Variants in RABGAP1L observed in about 807,000 individuals in gnomAD.
The protein encoded by RABGAP1L is RAB GTPase activating protein 1 like.
Under a neutral mutation model 137.7 loss-of-function variants are expected in RABGAP1L, and 63 were observed. That is an observed-to-expected ratio of 0.46 (90% CI 0.37 to 0.56). The LOEUF is 0.56. RABGAP1L is among the 20% of genes least tolerant of loss of function. The pLI, the probability that RABGAP1L is intolerant of heterozygous loss-of-function variation, is 0.00. For missense variants in RABGAP1L, 1,095 were observed against 1,244.0 expected (o/e 0.88, Z 1.80); for synonymous variants, 431 against 433.7 (o/e 0.99, Z 0.08).
chr1:174,575,522 T>A (rs1296745052), intron 13 of RABGAP1L, among the ~76,000 whole-genome samples: 1 of 152,176 alleles, frequency 6.6e-6, no homozygotes, highest in African/African-American at 2.4e-5. Context: ...CAAGGTCTTG[T>A]ATATAAATTT....
chr1:174,971,134 G>GT (rs1292186533), intron 21 of RABGAP1L, among the ~76,000 whole-genome samples: 2 of 151,484 alleles, frequency 1.3e-5, no homozygotes, highest in Admixed American at 1.3e-4. Context: ...CATCTTTATA[G>GT]TTTTTTCCCA....
chr1:174,342,722 A>G (rs2148895981), intron 11 of RABGAP1L, among the ~76,000 whole-genome samples: 1 of 151,726 alleles, frequency 6.6e-6, no homozygotes. Context: ...CTGCCCACCA[A>G]TTCTAATTCT....
At chr1:174,313,061 G>GGGACTACA (rs1679012789) in intron 11 of RABGAP1L, among the ~76,000 whole-genome samples, 1 of 152,084 alleles carries the variant, frequency 6.6e-6, no homozygotes, top group African/African-American at 2.4e-5. Flanking sequence ...CCGAGTAGCT[G>GGGACTACA]GGACTACAGG....
At chr1:174,765,596 C>A (rs913912755) in intron 18 of RABGAP1L, among the ~76,000 whole-genome samples, 1 of 151,432 alleles carries the variant, frequency 6.6e-6, no homozygotes, top group African/African-American at 2.4e-5. Context: ...CCATGTCCAG[C>A]AAATTTTTTT....
chr1:174,318,363 A>T (rs1005428499), intron 11 of RABGAP1L, among the ~76,000 whole-genome samples: 1 of 152,170 alleles, frequency 6.6e-6, no homozygotes, highest in African/African-American at 2.4e-5. Flanking sequence ...ATTTTTAGGT[A>T]AAGTGAGTCT....
At chr1:174,291,918 T>C (rs926474018) in intron 10 of RABGAP1L, among the ~76,000 whole-genome samples, 1 of 151,550 alleles carries the variant, frequency 6.6e-6, no homozygotes, top group Non-Finnish European at 1.5e-5. Flanking sequence ...TATTTTTTTT[T>C]CTGTTTTCTC....
At chr1:174,217,156 G>A (rs1277667645) in intron 1 of RABGAP1L, among the ~76,000 whole-genome samples, 2 of 152,122 alleles carry the variant, frequency 1.3e-5, no homozygotes, top group East Asian at 1.9e-4. Flanking sequence ...TCCAGGTTTC[G>A]TGTTCAAGTA....
chr1:174,893,475 C>A (rs897266297), intron 19 of RABGAP1L, among the ~76,000 whole-genome samples: 81 of 152,034 alleles, frequency 5.3e-4, no homozygotes, highest in African/African-American at 1.9e-3. Context: ...TGTGATTCCT[C>A]CTAGGAAGAA....
intron 18 of RABGAP1L, among the ~76,000 whole-genome samples, chr1:174,801,223 G>C (rs1688735122): frequency 6.6e-6 from 1 of 152,170 alleles, no homozygotes; most frequent in South Asian, 2.1e-4. Flanking sequence ...AAGGTAATTG[G>C]TTTACAGTAG....
intron 11 of RABGAP1L, among the ~76,000 whole-genome samples, chr1:174,311,125 G>T (rs556280649): frequency 2.0e-5 from 3 of 152,176 alleles, no homozygotes; most frequent in East Asian, 3.9e-4. Flanking sequence ...TACTACCCAA[G>T]ATTGGGTAAT....
At chr1:174,357,804 G>A (rs1683767385) in intron 11 of RABGAP1L, among the ~76,000 whole-genome samples, 1 of 152,210 alleles carries the variant, frequency 6.6e-6, no homozygotes, top group Non-Finnish European at 1.5e-5. Context: ...TTCCTCTCAT[G>A]TATTCCTCAA....
chr1:174,197,545 C>T (rs1667783574), intron 1 of RABGAP1L, among the ~76,000 whole-genome samples: 1 of 152,132 alleles, frequency 6.6e-6, no homozygotes, highest in Non-Finnish European at 1.5e-5. Context: ...CTGCTTGATT[C>T]TCTGTTTCTT....
At chr1:174,805,649 G>A (rs1050175556) in intron 18 of RABGAP1L, among the ~76,000 whole-genome samples, 3 of 152,094 alleles carry the variant, frequency 2.0e-5, no homozygotes, top group Non-Finnish European at 2.9e-5. Flanking sequence ...CTACAGGTGC[G>A]TGCCACCACG....
intron 10 of RABGAP1L, among the ~76,000 whole-genome samples, chr1:174,294,644 A>T (rs1676943719): frequency 6.6e-6 from 1 of 152,198 alleles, no homozygotes; most frequent in Non-Finnish European, 1.5e-5. Context: ...CTGGTAAATA[A>T]AAAGTAAGAA....
At chr1:174,678,842 C>T (rs1050673549) in intron 14 of RABGAP1L, among the ~76,000 whole-genome samples, 4 of 152,204 alleles carry the variant, frequency 2.6e-5, no homozygotes, top group Non-Finnish European at 4.4e-5. Flanking sequence ...CAATTGGGAG[C>T]GGCAGTGGGC....
At chr1:174,574,799 A>G (rs904641604) in intron 13 of RABGAP1L, among the ~76,000 whole-genome samples, 3 of 152,236 alleles carry the variant, frequency 2.0e-5, no homozygotes, top group Non-Finnish European at 4.4e-5. Context: ...AAATGGCACA[A>G]ACAGACATGA....
intron 13 of RABGAP1L, among the ~76,000 whole-genome samples, chr1:174,509,629 C>T (rs1662152085): frequency 6.6e-6 from 1 of 152,152 alleles, no homozygotes; most frequent in South Asian, 2.1e-4. Flanking sequence ...TACCACAACA[C>T]TTTATGCAGT....
At position 174,231,348 on chromosome 1, in the gene RABGAP1L, T is replaced by A. The variant is rs1670632840; in HGVS notation, c.535T>A (p.Ser179Thr). 6.2e-7 allele frequency: 1 copy of A among 1,613,468 alleles called. No individual in the cohort carries two copies. The highest frequency in any genetic ancestry group is 8.5e-7 in the Non-Finnish European group (1 of 1,179,396). ...TLYVPNVPEG[S>T]VRIIDQSSNV... ...GTATGTACCAAATGTTCCAGAAGGT[T>A]CTGTGAGGTAAGCTCTAATTTGTTT... Residue 179 changes from serine to threonine, a missense_variant, in exon 4 of 26, where the codon TCT becomes ACT. By Grantham distance (58) the Ser-to-Thr change is moderately conservative. Around this residue, in one of 4 missense-constraint regions of RABGAP1L, gnomAD observed 356 missense variants for 326.3 expected, o/e 1.09. Coordinates refer to ENST00000681986, the MANE Select transcript of RABGAP1L (RefSeq NM_001366446.1).
At chr1:174,729,186 A>G (rs572436031) in intron 17 of RABGAP1L, among the ~76,000 whole-genome samples, 9 of 152,210 alleles carry the variant, frequency 5.9e-5, no homozygotes, top group East Asian at 1.9e-4. Context: ...ACTTACAACT[A>G]TCTGATCTTT....
Sources: allele counts gnomAD v4.1 joint callset (sites outside exome capture counted in the v4.1 genomes callset), GRCh38; gene constraint gnomAD v4.1.1; regional missense constraint gnomAD v4.1.1; transcripts MANE v1.5; gene names NCBI Gene and HGNC (gene_info 2026-07-23, HGNC 2026-07-21).